Variants in BROX observed in about 807,000 individuals in gnomAD.
BROX encodes the protein BRO1 domain-containing protein BROX.
In BROX, 53 loss-of-function variants were observed where a neutral mutation model predicts 61.0. The observed-to-expected ratio is 0.87, with a 90% CI of 0.70 to 1.09. BROX has a LOEUF of 1.09. Ranked by LOEUF, BROX falls within the 50% of genes least tolerant of loss-of-function variation. BROX has a pLI of 0.00. For missense variants in BROX, 489 were observed against 472.0 expected, an observed-to-expected ratio of 1.04 and a Z score of -0.33; for synonymous variants, 152 against 160.2, an observed-to-expected ratio of 0.95 and a Z score of 0.38.
intron 2 of BROX, chr1:222,717,898 G>A (rs1656755934): frequency 6.6e-6 from 1 of 152,160 alleles, no homozygotes; most frequent in Admixed American, 6.5e-5. Flanking sequence ...TACTCTCTTG[G>A]TGCTTACCAT....
Position 222,727,184 on chromosome 1 carries a change from A to G in BROX, c.597A>G (p.Ala199=). Residue 199 remains alanine (A), a synonymous_variant, in exon 8 of 13, where the codon GCA becomes GCG. Coordinates refer to ENST00000340934, the MANE Select transcript of BROX (RefSeq NM_144695.4). ...TGGTTACAGTAACAATTGCTCGAGC[A>G]ATTGAACTAAAACATGCTCCTGGAC... ...AEAQEVTIAR[A]IELKHAPGLI... 6.2e-7 allele frequency: 1 copy of G among 1,612,698 alleles called. No homozygotes were observed. Among genetic ancestry groups the G allele is most frequent in the Non-Finnish European group, 8.5e-7 (1 of 1,179,208 alleles).
chr1:222,713,130 G>A (rs1656190733), intron 1 of BROX, 188 bp downstream of exon 1: 4 of 989,694 alleles, frequency 4.0e-6, no homozygotes, highest in East Asian at 1.1e-4. Flanking sequence ...ACAAATCAGT[G>A]GCATTAACAG....
intron 7 of BROX, among the ~76,000 whole-genome samples, chr1:222,725,988 G>A (rs748865875): frequency 1.3e-5 from 2 of 152,292 alleles, no homozygotes; most frequent in East Asian, 1.9e-4. Context: ...TTAGAATGAG[G>A]AATAAGTTTA....
Position 222,719,022 on chromosome 1 carries a change from C to T in BROX, c.199C>T (p.Leu67Phe), listed in dbSNP as rs1276144440. 6.2e-7 allele frequency: 1 copy of T among 1,611,408 alleles called. No homozygotes were observed. Among genetic ancestry groups the T allele is most frequent in the Non-Finnish European group, 8.5e-7 (1 of 1,178,650 alleles). The change falls in exon 3 of 13, where the codon CTT (leucine) becomes TTT (phenylalanine). Residue 67 changes from leucine (L) to phenylalanine (F), a missense_variant. Physicochemically the swap from Leu to Phe is conservative, Grantham distance 22. Transcript: ENST00000340934. ...GAATGCAGCAGATTCATATTTCTCA[C>T]TTTTACAAGGTTAGTTATTTATATG... ...MKNAADSYFSLLQGFINSLDE... is the reference protein window; with the variant it reads ...MKNAADSYFSFLQGFINSLDE...
chr1:222,715,537 G>C (rs555367823), intron 1 of BROX, 147 bp from the exon 2 acceptor site: 14 of 348,510 alleles, frequency 4.0e-5, no homozygotes, highest in Non-Finnish European at 6.7e-5. Context: ...GTGAAACCCC[G>C]TCTCTACTAA....
chr1:222,722,409 A>G lies in BROX; in HGVS notation c.306-10A>G, dbSNP rs762311285. The G allele has an allele frequency of 1.9e-6, 3 of 1,603,998 alleles. No homozygotes were observed. The highest frequency in any genetic ancestry group is 1.7e-5 in the Admixed American group (1 of 59,960). On this transcript the variant is annotated splice_polypyrimidine_tract_variant and intron_variant, in intron 4 of 12. Transcript: ENST00000340934. ...TTGACAGAACTTAATGATCATGTTT[A>G]TAATTCCAGTGCCCAGCAGGATGCT... is the stretch of plus-strand genomic sequence containing the variant.
Position 222,732,771 on chromosome 1 carries a change from C to A in BROX, c.*57C>A. 1.5e-6 allele frequency: 2 copies of A among 1,330,326 alleles called. No homozygotes were observed. Among genetic ancestry groups the A allele is most frequent in the South Asian group, 1.3e-5 (1 of 79,672 alleles). 82.4% of individuals were successfully genotyped at this position (1,330,326 alleles called of 1,614,324 possible). A position where few individuals can be genotyped will look rare whatever the true frequency, so the allele number is the denominator to read the frequency against. On this transcript the variant is annotated 3_prime_UTR_variant, in exon 13 of 13. Transcript: ENST00000340934. ...GTAAATAAGATAAACCACAGAATTT[C>A]AGTTCTTATTTCTCAAAATGATTTC...
rs1656472501 is a variant in BROX at position 222,714,974 on chromosome 1, T to G, written c.-16-710T>G. Among the ~76,000 whole-genome samples the G allele has an allele frequency of 3.3e-5, 5 of 152,346 alleles. No homozygotes were observed. In the South Asian group the frequency reaches 1.0e-3, roughly 32 times the overall value. The stretch of plus-strand genomic sequence containing the variant: ...TTTAGGTATTTTTTGGAAAGTACAT[T>G]TTATTGTAGAACACATGCTATAACC... On this transcript the variant is annotated intron_variant, in intron 1 of 12. Transcript: ENST00000340934.
chr1:222,729,732 C>T (rs769384816), intron 10 of BROX, 31 bp downstream of exon 10: 8 of 1,569,506 alleles, frequency 5.1e-6, no homozygotes, highest in Middle Eastern at 1.7e-4. Context: ...ATTAACTCCC[C>T]TTTAAAAAAC....
At chr1:222,714,644 C>T (rs1656428398) in intron 1 of BROX, among the ~76,000 whole-genome samples, 2 of 151,330 alleles carry the variant, frequency 1.3e-5, no homozygotes, top group East Asian at 1.9e-4. Flanking sequence ...GGCTGGAGTG[C>T]CATGGGGAGA....
intron 1 of BROX, among the ~76,000 whole-genome samples, chr1:222,714,588 T>TG (rs1656421552): frequency 4.0e-5 from 6 of 150,932 alleles, no homozygotes; most frequent in Non-Finnish European, 8.8e-5. Context: ...TTTTGTTTTT[T>TG]TTTTCCTTTT....
At chr1:222,715,659 A>G (rs1656546020) in intron 1 of BROX, 25 bp from the exon 2 acceptor site, 1 of 1,031,674 alleles carries the variant, frequency 9.7e-7, no homozygotes, top group Non-Finnish European at 1.4e-6. Flanking sequence ...TAATTTTTGT[A>G]TATTTTTTAC....
intron 11 of BROX, among the ~76,000 whole-genome samples, chr1:222,730,469 A>C (rs893914318): frequency 6.6e-6 from 1 of 152,094 alleles, no homozygotes; most frequent in Non-Finnish European, 1.5e-5. Flanking sequence ...ATGGTGGCAC[A>C]CGCCTGTAAA....
chr1:222,714,347 C>T (rs1272250894), intron 1 of BROX, among the ~76,000 whole-genome samples: 1 of 151,228 alleles, frequency 6.6e-6, no homozygotes, highest in Non-Finnish European at 1.5e-5. Context: ...GGACTACAGG[C>T]GACCGCCACC....
Position 222,724,067 on chromosome 1 carries a change from A to G in BROX, c.402-25A>G, listed in dbSNP as rs778028955. 7.1e-6 allele frequency: 11 copies of G among 1,542,538 alleles called. No homozygotes were observed. In the East Asian group the frequency reaches 1.6e-4, roughly 22 times the overall value. On this transcript the variant is annotated intron_variant, in intron 5 of 12. Coordinates refer to ENST00000340934, the MANE Select transcript of BROX (RefSeq NM_144695.4). ...ATACCAGAAATGGAATTCATCCTCT[A>G]ACTAATGTAACCCCTATCTTTAAGT...
chr1:222,719,062 TA>T (rs1558228214), intron 3 of BROX, 31 bp downstream of exon 3: 2 of 1,546,836 alleles, frequency 1.3e-6, no homozygotes, highest in Non-Finnish European at 1.8e-6. Context: ...TGAGGTTTTT[TA>T]AAAAACTGTC....
At chr1:222,719,631 A>T (rs1656917402) in intron 4 of BROX, among the ~76,000 whole-genome samples, 1 of 152,206 alleles carries the variant, frequency 6.6e-6, no homozygotes, top group Admixed American at 6.5e-5. Flanking sequence ...ACAAAGGATG[A>T]TTTGAGGATT....
intron 12 of BROX, 73 bp downstream of exon 12, chr1:222,731,589 A>G (rs1657944385): frequency 6.9e-7 from 1 of 1,459,326 alleles, no homozygotes; most frequent in Non-Finnish European, 9.3e-7. Flanking sequence ...GCATTTTGAT[A>G]TTTTTCTCTA....
chr1:222,712,841 T>C lies in BROX; in HGVS notation c.-118T>C, dbSNP rs1656161862. 7.8e-7 allele frequency: 1 copy of C among 1,282,958 alleles called. No individual in the cohort carries two copies. Among genetic ancestry groups the C allele is most frequent in the African/African-American group, 1.5e-5 (1 of 65,764 alleles). 79.5% of individuals were successfully genotyped at this position (1,282,958 alleles called of 1,614,324 possible). ...TCCTGGTTTTCCGTCACCCTGGTTC[T>C]GTAGTCTCGGTTCTCCGACTCCCTC... is the stretch of plus-strand genomic sequence containing the variant. On this transcript the variant is annotated 5_prime_UTR_variant, in exon 1 of 13. Transcript: ENST00000340934.
Sources: gnomAD v4.1 joint callset for allele counts (sites outside exome capture counted in the v4.1 genomes callset) on GRCh38, gnomAD v4.1.1 for gene constraint, MANE v1.5 for transcripts, NCBI Gene and HGNC (gene_info 2026-07-23, HGNC 2026-07-21) for gene names.